Variants in ZNF385D observed in about 807,000 individuals in gnomAD.
ZNF385D encodes zinc finger protein 385D.
A neutral mutation model predicts 35.8 loss-of-function variants in ZNF385D; 15 were observed. That is an observed-to-expected ratio of 0.42 (90% CI 0.28 to 0.64). The LOEUF (loss-of-function observed/expected upper bound fraction) is 0.64, where lower values mean the gene tolerates loss of function less well. Ranked by LOEUF, ZNF385D falls within the 30% of genes least tolerant of loss-of-function variation. ZNF385D has a pLI of 0.23. For missense variants in ZNF385D, 474 were observed against 494.6 expected, an observed-to-expected ratio of 0.96 and a Z score of 0.39; for synonymous variants, 212 against 186.8, an observed-to-expected ratio of 1.13 and a Z score of -1.10.
At chr3:21,620,506 A>G (rs2064973084) in intron 2 of ZNF385D, among the ~76,000 whole-genome samples, 1 of 152,168 alleles carries the variant, frequency 6.6e-6, no homozygotes. Flanking sequence ...AATGATTAGT[A>G]TCCTTCAATG....
chr3:21,931,517 G>T (rs948787218), intron 3 of ZNF385D, among the ~76,000 whole-genome samples: 7 of 152,260 alleles, frequency 4.6e-5, no homozygotes, highest in Non-Finnish European at 7.4e-5. Context: ...AAGCAATCCA[G>T]AATTTCCATC....
chr3:21,882,172 G>A (rs748049344), intron 3 of ZNF385D, among the ~76,000 whole-genome samples: 3 of 152,040 alleles, frequency 2.0e-5, no homozygotes, highest in Non-Finnish European at 4.4e-5. Flanking sequence ...TCTACTGTGA[G>A]TAAAATGCTA....
At chr3:21,455,202 A>C (rs1247692491) in intron 4 of ZNF385D, among the ~76,000 whole-genome samples, 3 of 152,282 alleles carry the variant, frequency 2.0e-5, no homozygotes, top group Non-Finnish European at 2.9e-5. Context: ...ATCAAGCTAC[A>C]AATGACTTTC....
chr3:21,510,805 G>A (rs1707145427), intron 4 of ZNF385D, 56 bp downstream of exon 4: 1 of 1,604,652 alleles, frequency 6.2e-7, no homozygotes, highest in Non-Finnish European at 8.5e-7. Context: ...CTAGACAAGG[G>A]AGGGAATCCC....
At chr3:22,276,360 G>A (rs865950553) in intron 2 of ZNF385D, among the ~76,000 whole-genome samples, 27 of 152,064 alleles carry the variant, frequency 1.8e-4, no homozygotes, top group Middle Eastern at 3.4e-3. Flanking sequence ...TATATATTCA[G>A]TAACACTCTA....
At chr3:21,812,270 C>T (rs1174084152) in intron 3 of ZNF385D, among the ~76,000 whole-genome samples, 2 of 152,358 alleles carry the variant, frequency 1.3e-5, no homozygotes, top group East Asian at 3.9e-4. Context: ...CAGTCTACAG[C>T]TCCCAGCATG....
chr3:22,262,099 T>G (rs1256413434), intron 2 of ZNF385D, among the ~76,000 whole-genome samples: 1 of 152,002 alleles, frequency 6.6e-6, no homozygotes, highest in Non-Finnish European at 1.5e-5. Flanking sequence ...GTGGCTTTTT[T>G]GGTGTTTTCA....
chr3:21,731,719 T>C (rs951095142), intron 1 of ZNF385D, among the ~76,000 whole-genome samples: 2 of 152,176 alleles, frequency 1.3e-5, no homozygotes, highest in Non-Finnish European at 1.5e-5. Context: ...AATATGAATT[T>C]GATAGAAAAA....
intron 2 of ZNF385D, among the ~76,000 whole-genome samples, chr3:21,661,408 T>G (rs2066234783): frequency 6.6e-6 from 1 of 152,190 alleles, no homozygotes; most frequent in Non-Finnish European, 1.5e-5. Flanking sequence ...CATAATCTGT[T>G]TTCACTGTTT....
intron 2 of ZNF385D, among the ~76,000 whole-genome samples, chr3:22,218,355 T>C (rs866339323): frequency 2.0e-5 from 3 of 151,610 alleles, no homozygotes; most frequent in Non-Finnish European, 4.4e-5. Flanking sequence ...TTATTGCTGG[T>C]AAACAGAAAT....
intron 3 of ZNF385D, among the ~76,000 whole-genome samples, chr3:21,553,044 G>GT (rs888960581): frequency 1.8e-4 from 28 of 152,238 alleles, no homozygotes; most frequent in Non-Finnish European, 3.7e-4. Flanking sequence ...GGCCCTTGCT[G>GT]TTTTTGAAGA....
intron 2 of ZNF385D, among the ~76,000 whole-genome samples, chr3:21,571,190 AG>A (rs1416342009): frequency 5.3e-5 from 8 of 152,220 alleles, no homozygotes; most frequent in Non-Finnish European, 8.8e-5. Context: ...ATCACCAGAT[AG>A]TATTTTTACC....
At chr3:22,189,124 G>C (rs1695847097) in intron 2 of ZNF385D, among the ~76,000 whole-genome samples, 1 of 151,886 alleles carries the variant, frequency 6.6e-6, no homozygotes, top group African/African-American at 2.4e-5. Flanking sequence ...TGGAATTCTT[G>C]TCTTTTAGGG....
intron 2 of ZNF385D, among the ~76,000 whole-genome samples, chr3:22,348,800 G>A (rs1207662790): frequency 6.6e-6 from 1 of 152,140 alleles, no homozygotes; most frequent in Non-Finnish European, 1.5e-5. Flanking sequence ...GAGAGGCATG[G>A]TGATAGCAGA....
chr3:22,006,758 C>A (rs953634044), intron 3 of ZNF385D, among the ~76,000 whole-genome samples: 4 of 151,728 alleles, frequency 2.6e-5, no homozygotes, highest in African/African-American at 9.7e-5. Context: ...ATATAATAAA[C>A]ATCTCTTGAA....
chr3:21,687,952 T>C (rs972448708), intron 1 of ZNF385D, among the ~76,000 whole-genome samples: 10 of 152,026 alleles, frequency 6.6e-5, no homozygotes, highest in African/African-American at 2.4e-4. Context: ...TGGAATGCAG[T>C]AGCACGGTCA....
At chr3:22,129,512 T>C (rs758376586) in intron 3 of ZNF385D, among the ~76,000 whole-genome samples, 5 of 152,000 alleles carry the variant, frequency 3.3e-5, no homozygotes, top group Non-Finnish European at 7.4e-5. Context: ...TGCTTTCTTT[T>C]ACTGGGGTTG....
intron 3 of ZNF385D, among the ~76,000 whole-genome samples, chr3:21,996,473 C>A (rs1283485920): frequency 6.6e-6 from 1 of 152,174 alleles, no homozygotes; most frequent in Non-Finnish European, 1.5e-5. Context: ...TATCTACTTA[C>A]TGTTTTGGTC....
chr3:22,267,309 G>C (rs1406604770), intron 2 of ZNF385D, among the ~76,000 whole-genome samples: 1 of 151,660 alleles, frequency 6.6e-6, no homozygotes, highest in African/African-American at 2.4e-5. Flanking sequence ...TTCCTTCCTT[G>C]TCATAACCTA....
Sources: gnomAD v4.1 joint callset for allele counts (sites outside exome capture counted in the v4.1 genomes callset) on GRCh38, gnomAD v4.1.1 for gene constraint, MANE v1.5 for transcripts, NCBI Gene and HGNC (gene_info 2026-07-23, HGNC 2026-07-21) for gene names.